Variants in GRID2 observed in about 807,000 individuals in gnomAD.
GRID2 encodes glutamate ionotropic receptor delta type subunit 2, also known as glutamate receptor ionotropic, delta-2.
Under a neutral mutation model 114.8 loss-of-function variants are expected in GRID2, and 33 were observed. The ratio of observed to expected loss-of-function variants is 0.29; its 90% confidence interval spans 0.22 to 0.38. The LOEUF (loss-of-function observed/expected upper bound fraction) is 0.38. Ranked by LOEUF, GRID2 falls within the 10% of genes least tolerant of loss-of-function variation. The pLI is 1.00. For missense variants in GRID2, 1,184 were observed against 1,257.7 expected (o/e 0.94, Z 0.89); for synonymous variants, 505 against 449.9 (o/e 1.12, Z -1.55).
chr4:93,238,325 T>C lies in GRID2; in HGVS notation c.1126-46T>C, dbSNP rs568973866. 382 of 1,420,796 alleles carry C rather than the reference T, an allele frequency of 2.7e-4. 5 individuals carry two copies. In the African/African-American group the frequency reaches 4.6e-3, roughly 17 times the overall value. 88.0% of individuals were successfully genotyped at this position (1,420,796 alleles called of 1,614,324 possible). ...GTTCCTTTTATGTTTATTTATTTAT[T>C]TTTTTACTTCTCAAATTTTACATCA... On this transcript the variant is annotated intron_variant, in intron 7 of 15. Transcript: ENST00000282020.
intron 1 of GRID2, among the ~76,000 whole-genome samples, chr4:92,536,386 C>G (rs1725632780): frequency 6.6e-6 from 1 of 152,104 alleles, no homozygotes; most frequent in Admixed American, 6.6e-5. Flanking sequence ...TTCTCCAAGT[C>G]CCCACCCAAC....
intron 4 of GRID2, chr4:93,112,209 G>C (rs1171581765): frequency 6.6e-6 from 1 of 152,096 alleles, no homozygotes; most frequent in Admixed American, 6.6e-5. Context: ...GGTCATTTTT[G>C]TTGGAGGAGA....
intron 8 of GRID2, among the ~76,000 whole-genome samples, chr4:93,303,159 A>G (rs1416501170): frequency 6.6e-6 from 1 of 152,184 alleles, no homozygotes; most frequent in South Asian, 2.1e-4. Context: ...CACTATCATG[A>G]GAACAGCAAG....
intron 2 of GRID2, among the ~76,000 whole-genome samples, chr4:92,762,871 C>T (rs1044087757): frequency 6.6e-6 from 1 of 152,170 alleles, no homozygotes; most frequent in Non-Finnish European, 1.5e-5. Context: ...TGCTACTCTT[C>T]TCTGTTTTCT....
At chr4:92,849,172 G>C (rs2149420149) in intron 2 of GRID2, among the ~76,000 whole-genome samples, 1 of 152,000 alleles carries the variant, frequency 6.6e-6, no homozygotes, top group Non-Finnish European at 1.5e-5. Flanking sequence ...TGATGATGAT[G>C]AAAAAGAGGT....
chr4:92,912,410 T>C (rs1456362), intron 2 of GRID2, among the ~76,000 whole-genome samples: 87,001 of 151,482 alleles, frequency 0.57, 26,345 homozygotes, highest in Middle Eastern at 0.75. Flanking sequence ...TGCAACACAC[T>C]ATTTGTAAAA....
chr4:92,825,517 C>T (rs370268302), intron 2 of GRID2, among the ~76,000 whole-genome samples: 1 of 152,156 alleles, frequency 6.6e-6, no homozygotes, highest in Non-Finnish European at 1.5e-5. Context: ...CAGGCTTCTG[C>T]AGTCTTGTCT....
chr4:92,851,930 A>G (rs1289594626), intron 2 of GRID2, among the ~76,000 whole-genome samples: 1 of 151,960 alleles, frequency 6.6e-6, no homozygotes, highest in Non-Finnish European at 1.5e-5. Flanking sequence ...GAGACCACCT[A>G]AAAAATTGCA....
chr4:92,742,258 TA>T (rs1736929103), intron 2 of GRID2, among the ~76,000 whole-genome samples: 1 of 152,198 alleles, frequency 6.6e-6, no homozygotes, highest in African/African-American at 2.4e-5. Context: ...AAAGCATTTA[TA>T]ATATTTCATT....
intron 1 of GRID2, among the ~76,000 whole-genome samples, chr4:92,584,515 T>C (rs1728331421): frequency 6.6e-6 from 1 of 151,994 alleles, no homozygotes; most frequent in Non-Finnish European, 1.5e-5. Flanking sequence ...TGCACTTTTT[T>C]CTTTATTTTA....
Position 92,924,400 on chromosome 4 carries a change from T to TA in GRID2, c.245-160583dup, listed in dbSNP as rs76398831. Reference sequence around the variant, plus strand: ...TGTACCCTAAAACTTAAAGTATAATTAAAAAAAAAAAAGAAATTATTCGGT... The same window carrying TA: ...TGTACCCTAAAACTTAAAGTATAATTAAAAAAAAAAAAAGAAATTATTCGGT... On this transcript the variant is annotated intron_variant, in intron 2 of 15. Transcript: ENST00000282020. Among the ~76,000 whole-genome samples the TA allele has an allele frequency of 1.8e-3, 251 of 143,030 alleles. 1 individual carries two copies. The highest frequency in any genetic ancestry group is 0.011 in the East Asian group (56 of 4,950). The allele number at this position is 143,030 out of a possible 152,430, so 93.8% of individuals were successfully genotyped here.
intron 2 of GRID2, among the ~76,000 whole-genome samples, chr4:92,792,232 A>T (rs1276496294): frequency 6.6e-6 from 1 of 151,804 alleles, no homozygotes; most frequent in East Asian, 1.9e-4. Context: ...TATGCCAGTT[A>T]TGTAAGGACT....
chr4:93,637,974 T>C (rs1215026292), intron 14 of GRID2, among the ~76,000 whole-genome samples: 1 of 152,120 alleles, frequency 6.6e-6, no homozygotes, highest in Non-Finnish European at 1.5e-5. Flanking sequence ...AATCTGATAC[T>C]TCTAGACATG....
intron 13 of GRID2, among the ~76,000 whole-genome samples, chr4:93,571,526 G>T (rs1357907635): frequency 6.6e-6 from 1 of 152,000 alleles, no homozygotes; most frequent in Non-Finnish European, 1.5e-5. Context: ...TATAGAAAGG[G>T]TTAGGCCCTT....
chr4:93,438,895 A>G (rs1721360832), intron 10 of GRID2, among the ~76,000 whole-genome samples: 1 of 140,544 alleles, frequency 7.1e-6, no homozygotes, highest in Non-Finnish European at 1.5e-5. Flanking sequence ...ATGTGTTCTC[A>G]TTGTTCAATT....
At chr4:93,398,123 A>ATGTGTGTGTGTGTGTG (rs151125359) in intron 9 of GRID2, among the ~76,000 whole-genome samples, 50 of 131,570 alleles carry the variant, frequency 3.8e-4, no homozygotes, top group Middle Eastern at 4.0e-3. Context: ...ACATACATGT[A>ATGTGTGTGTGTGTGTG]TGTGTGTGTG....
At chr4:92,683,873 C>T (rs905308651) in intron 2 of GRID2, among the ~76,000 whole-genome samples, 2 of 151,536 alleles carry the variant, frequency 1.3e-5, no homozygotes, top group East Asian at 1.9e-4. Flanking sequence ...ACATATAGAA[C>T]AAATGTTGAT....
At chr4:93,001,165 A>G (rs560275986) in intron 2 of GRID2, among the ~76,000 whole-genome samples, 1 of 151,760 alleles carries the variant, frequency 6.6e-6, no homozygotes, top group South Asian at 2.1e-4. Flanking sequence ...TTTCCTCCCT[A>G]TATTCAGCAT....
At chr4:93,381,845 T>C (rs916845847) in intron 8 of GRID2, among the ~76,000 whole-genome samples, 4 of 152,134 alleles carry the variant, frequency 2.6e-5, no homozygotes, top group African/African-American at 7.2e-5. Flanking sequence ...ACTGTGATAT[T>C]TATTTCTTCA....
Sources: allele counts gnomAD v4.1 joint callset (sites outside exome capture counted in the v4.1 genomes callset), GRCh38; gene constraint gnomAD v4.1.1; transcripts MANE v1.5; gene names NCBI Gene and HGNC (gene_info 2026-07-23, HGNC 2026-07-21).